The following NXPE2 variants were observed in gnomAD, a reference collection of about 807,000 sequenced individuals.
NXPE2 encodes NXPE family member 2.
Under a neutral mutation model 34.4 loss-of-function variants are expected in NXPE2, and 34 were observed. That is an observed-to-expected ratio of 0.99 (90% CI 0.75 to 1.31). The LOEUF (loss-of-function observed/expected upper bound fraction) is 1.31. Among genes scored for constraint, NXPE2 ranks in the 40% most tolerant of loss-of-function variants. NXPE2 has a pLI of 0.00. For missense variants in NXPE2, 649 were observed against 672.5 expected, an observed-to-expected ratio of 0.97 and a Z score of 0.39; for synonymous variants, 235 against 231.3, an observed-to-expected ratio of 1.02 and a Z score of -0.15.
chr11:114,624,526 C>T, the NXPE2 span, among the ~76,000 whole-genome samples: 4 of 151,934 alleles, frequency 2.6e-5, no homozygotes, highest in South Asian at 6.2e-4. Flanking sequence ...ATTATTGCCT[C>T]GTGGGTAACC....
the NXPE2 span, chr11:114,559,739 C>T: frequency 6.6e-6 from 1 of 152,284 alleles, no homozygotes; most frequent in Admixed American, 6.6e-5. Flanking sequence ...CTGCCCTCCA[C>T]TGACCACTGG....
the NXPE2 span, among the ~76,000 whole-genome samples, chr11:114,774,792 T>C: frequency 6.6e-6 from 1 of 152,190 alleles, no homozygotes; most frequent in East Asian, 1.9e-4. Flanking sequence ...GAGAGAAGCC[T>C]GCGCTGCCAG....
chr11:114,761,598 G>A, the NXPE2 span, among the ~76,000 whole-genome samples: 1 of 122,242 alleles, frequency 8.2e-6, no homozygotes, highest in African/African-American at 3.2e-5. Context: ...ACGGAGTCTC[G>A]CTCTGTCGCC....
the NXPE2 span, among the ~76,000 whole-genome samples, chr11:114,813,544 C>T: frequency 6.6e-6 from 1 of 152,210 alleles, no homozygotes; most frequent in Admixed American, 6.5e-5. Flanking sequence ...CATTTATGTG[C>T]ATGCATGCAT....
At chr11:114,700,523 G>A (rs1194044393) in intron 3 of NXPE2, among the ~76,000 whole-genome samples, 2 of 152,078 alleles carry the variant, frequency 1.3e-5, no homozygotes, top group Non-Finnish European at 2.9e-5. Flanking sequence ...CTGGAACGCG[G>A]GAAGTGAGGG....
chr11:114,651,344 G>A, the NXPE2 span, among the ~76,000 whole-genome samples: 780 of 151,686 alleles, frequency 5.1e-3, 3 homozygotes, highest in African/African-American at 0.017. Context: ...AAGGTGGCAC[G>A]TCCGGAGTTG....
the NXPE2 span, among the ~76,000 whole-genome samples, chr11:114,542,502 G>C: frequency 3.9e-5 from 6 of 152,152 alleles, no homozygotes; most frequent in Admixed American, 3.3e-4. Context: ...AAGGAATAGA[G>C]AATAGTATGC....
Position 114,698,151 on chromosome 11 carries a change from C to T in NXPE2, c.239C>T (p.Thr80Ile). ...PLCPAVSPKETELRIKDIMEK... is the reference protein window; with the variant it reads ...PLCPAVSPKEIELRIKDIMEK... Reference sequence around the variant, plus strand: ...TGTCCAGCAGTTTCACCAAAAGAGACTGAACTTAGAATAAAGGACATTATG... The same window carrying T: ...TGTCCAGCAGTTTCACCAAAAGAGATTGAACTTAGAATAAAGGACATTATG... The change falls in exon 3 of 6, where the codon ACT becomes ATT. Residue 80 changes from threonine (T) to isoleucine (I), a missense_variant. Transcript: ENST00000389586. 6.2e-7 allele frequency: 1 copy of T among 1,614,146 alleles called. No individual in the cohort carries two copies. The highest frequency in any genetic ancestry group is 1.3e-5 in the African/African-American group (1 of 75,052).
At chr11:114,792,710 A>C in the NXPE2 span, among the ~76,000 whole-genome samples, 1 of 152,124 alleles carries the variant, frequency 6.6e-6, no homozygotes, top group African/African-American at 2.4e-5. Flanking sequence ...AAAACATCTA[A>C]CTTGATGCTT....
chr11:114,471,731 C>A, the NXPE2 span, among the ~76,000 whole-genome samples: 176 of 152,236 alleles, frequency 1.2e-3, no homozygotes, highest in African/African-American at 3.8e-3. Context: ...CTCCTCCAAA[C>A]GTCTTGTCAG....
At chr11:114,635,804 A>G in the NXPE2 span, among the ~76,000 whole-genome samples, 1 of 152,092 alleles carries the variant, frequency 6.6e-6, no homozygotes, top group Non-Finnish European at 1.5e-5. Context: ...CTTGCATCCC[A>G]GGGATGAAGC....
chr11:114,658,777 A>G, the NXPE2 span, among the ~76,000 whole-genome samples: 1 of 152,186 alleles, frequency 6.6e-6, no homozygotes, highest in African/African-American at 2.4e-5. Flanking sequence ...AGGATCACTG[A>G]GAAGGCCTTT....
At chr11:114,683,684 T>C (rs1453589415) in intron 2 of NXPE2, among the ~76,000 whole-genome samples, 1 of 151,944 alleles carries the variant, frequency 6.6e-6, no homozygotes, top group East Asian at 1.9e-4. Flanking sequence ...CTCCCAAGAG[T>C]CAAAGATTTT....
At chr11:114,471,555 T>C in the NXPE2 span, among the ~76,000 whole-genome samples, 64,897 of 152,020 alleles carry the variant, frequency 0.43, 14,278 homozygotes, top group African/African-American at 0.5. Flanking sequence ...CCACATAACA[T>C]AATAAAACTG....
At chr11:114,571,286 A>T in the NXPE2 span, 1 of 1,614,030 alleles carries the variant, frequency 6.2e-7, no homozygotes, top group Non-Finnish European at 8.5e-7. Context: ...TAACAATGAC[A>T]GTATTTTTTT....
At chr11:114,568,145 T>TC in the NXPE2 span, among the ~76,000 whole-genome samples, 2 of 152,200 alleles carry the variant, frequency 1.3e-5, no homozygotes, top group Non-Finnish European at 1.5e-5. Flanking sequence ...CTATCTGAGC[T>TC]CACGTTCCCT....
chr11:114,634,209 G>A, the NXPE2 span, among the ~76,000 whole-genome samples: 6 of 151,752 alleles, frequency 4.0e-5, 1 homozygote, highest in Admixed American at 6.6e-5. Context: ...TTCTCTGATG[G>A]CCAGTGATGG....
chr11:114,690,260 A>G (rs1276215206), intron 2 of NXPE2, among the ~76,000 whole-genome samples: 3 of 152,120 alleles, frequency 2.0e-5, no homozygotes, highest in African/African-American at 7.2e-5. Flanking sequence ...GAACTCTTGA[A>G]GGAGATGCTT....
the NXPE2 span, among the ~76,000 whole-genome samples, chr11:114,728,736 A>G: frequency 6.6e-6 from 1 of 152,074 alleles, no homozygotes; most frequent in South Asian, 2.1e-4. Flanking sequence ...ATAAAAACAG[A>G]CATGGACAAT....
Sources: allele counts gnomAD v4.1 joint callset (sites outside exome capture counted in the v4.1 genomes callset), GRCh38; gene constraint gnomAD v4.1.1; transcripts MANE v1.5; gene names NCBI Gene and HGNC (gene_info 2026-07-23, HGNC 2026-07-21).